Variants in GRM1 observed in about 807,000 individuals in gnomAD.
GRM1 encodes metabotropic glutamate receptor 1.
In GRM1, 33 loss-of-function variants were observed where a neutral mutation model predicts 90.9. The observed-to-expected ratio is 0.36, with a 90% CI of 0.28 to 0.49. GRM1 has a LOEUF of 0.49. GRM1 is among the 20% of genes least tolerant of loss of function. The pLI is 0.99. For missense variants in GRM1, 1,190 were observed against 1,534.3 expected, an observed-to-expected ratio of 0.78 and a Z score of 3.75; for synonymous variants, 700 against 613.2, an observed-to-expected ratio of 1.14 and a Z score of -2.09.
intron 2 of GRM1, among the ~76,000 whole-genome samples, chr6:146,270,963 T>C (rs1782134378): frequency 7.0e-6 from 1 of 142,310 alleles, no homozygotes; most frequent in Non-Finnish European, 1.5e-5. Flanking sequence ...CTTTCTTTCT[T>C]TCTTTTTTTT....
chr6:146,076,670 T>C (rs1230751320), intron 1 of GRM1, among the ~76,000 whole-genome samples: 2 of 152,142 alleles, frequency 1.3e-5, no homozygotes, highest in Non-Finnish European at 2.9e-5. Context: ...ATTTAGGTCA[T>C]GTAATGTACA....
chr6:146,180,896 A>G (rs375076070), intron 2 of GRM1, among the ~76,000 whole-genome samples: 1 of 152,330 alleles, frequency 6.6e-6, no homozygotes, highest in East Asian at 1.9e-4. Context: ...AAATATTTTT[A>G]AAAGCGGACC....
intron 7 of GRM1, among the ~76,000 whole-genome samples, chr6:146,429,514 T>C (rs1355553005): frequency 6.6e-6 from 1 of 152,196 alleles, no homozygotes; most frequent in Non-Finnish European, 1.5e-5. Context: ...TTCCTAGGCC[T>C]GAGATTCTAC....
intron 1 of GRM1, among the ~76,000 whole-genome samples, chr6:146,093,077 G>A (rs1776764355): frequency 6.6e-6 from 1 of 152,024 alleles, no homozygotes; most frequent in Non-Finnish European, 1.5e-5. Flanking sequence ...TTAGGTATAT[G>A]CCTTTTATTT....
chr6:146,373,965 T>C (rs1352663914), intron 5 of GRM1, among the ~76,000 whole-genome samples: 2 of 152,156 alleles, frequency 1.3e-5, no homozygotes, highest in Non-Finnish European at 2.9e-5. Context: ...AGGCTTTCAG[T>C]TTTCCCCCAT....
intron 3 of GRM1, among the ~76,000 whole-genome samples, chr6:146,328,588 T>C (rs1784477970): frequency 6.6e-6 from 1 of 152,222 alleles, no homozygotes; most frequent in Non-Finnish European, 1.5e-5. Context: ...TACCTCTTTA[T>C]ATACACATAT....
At chr6:146,298,164 T>G (rs912325912) in intron 2 of GRM1, among the ~76,000 whole-genome samples, 2 of 152,228 alleles carry the variant, frequency 1.3e-5, no homozygotes, top group African/African-American at 4.8e-5. Flanking sequence ...TTATTATTCA[T>G]GATACCTACC....
intron 2 of GRM1, among the ~76,000 whole-genome samples, chr6:146,230,286 C>G (rs764308406): frequency 1.3e-5 from 2 of 152,038 alleles, no homozygotes; most frequent in Non-Finnish European, 2.9e-5. Flanking sequence ...GACTGTTGTC[C>G]ATATACAAAG....
At chr6:146,343,664 A>T (rs1785065670) in intron 3 of GRM1, among the ~76,000 whole-genome samples, 2 of 147,870 alleles carry the variant, frequency 1.4e-5, no homozygotes, top group South Asian at 4.2e-4. Context: ...TTTATTTATT[A>T]TTATTATTAT....
chr6:146,241,948 C>T (rs912890172), intron 2 of GRM1, among the ~76,000 whole-genome samples: 1 of 152,068 alleles, frequency 6.6e-6, no homozygotes, highest in Non-Finnish European at 1.5e-5. Flanking sequence ...ACCAGGGAAG[C>T]CTTAGGCTTC....
At chr6:146,178,369 A>G (rs1469052953) in intron 2 of GRM1, among the ~76,000 whole-genome samples, 9 of 152,184 alleles carry the variant, frequency 5.9e-5, no homozygotes, top group Non-Finnish European at 1.3e-4. Flanking sequence ...TAGGTTGAGT[A>G]TCCCTTAGCT....
chr6:146,398,923 G>T lies in GRM1; in HGVS notation c.1884G>T (p.Arg628=). 6.2e-7 allele frequency: 1 copy of T among 1,613,986 alleles called. No homozygotes were observed. The highest frequency in any genetic ancestry group is 8.5e-7 in the Non-Finnish European group (1 of 1,179,976). The part of the protein sequence containing the change: ...RDTPVVKSSS[R]ELCYIILAGI... ...CACCAGTGGTCAAATCCTCCAGTCG[G>T]GAGCTCTGCTACATCATCCTAGCTG... is the stretch of plus-strand genomic sequence containing the variant. The change falls in exon 7 of 8, where the codon CGG becomes CGT. Residue 628 remains arginine, a synonymous_variant. Coordinates refer to ENST00000282753, the MANE Select transcript of GRM1 (RefSeq NM_001278064.2).
chr6:146,186,032 T>A (rs1377957196), intron 2 of GRM1, among the ~76,000 whole-genome samples: 1 of 151,332 alleles, frequency 6.6e-6, no homozygotes, highest in Non-Finnish European at 1.5e-5. Context: ...CACTACAACC[T>A]ACACTTCCTA....
At chr6:146,266,773 G>T (rs945058188) in intron 2 of GRM1, among the ~76,000 whole-genome samples, 1 of 152,252 alleles carries the variant, frequency 6.6e-6, no homozygotes, top group Admixed American at 6.5e-5. Flanking sequence ...AACTCTGCTA[G>T]TATCACCACC....
At chr6:146,259,974 TTATATA>T (rs942097311) in intron 2 of GRM1, among the ~76,000 whole-genome samples, 2 of 145,232 alleles carry the variant, frequency 1.4e-5, no homozygotes, top group Admixed American at 1.4e-4. Context: ...ATATATATAT[TTATATA>T]TATATATATG....
chr6:146,406,709 C>G (rs1777360818), intron 7 of GRM1, among the ~76,000 whole-genome samples: 1 of 152,050 alleles, frequency 6.6e-6, no homozygotes, highest in South Asian at 2.1e-4. Flanking sequence ...TGGCATGCAC[C>G]TGTAATCCCA....
intron 2 of GRM1, among the ~76,000 whole-genome samples, chr6:146,199,001 A>T (rs982704629): frequency 2.0e-5 from 3 of 152,002 alleles, no homozygotes; most frequent in Non-Finnish European, 4.4e-5. Context: ...GAGGAAAAGC[A>T]CTCTTCCATG....
intron 1 of GRM1, among the ~76,000 whole-genome samples, chr6:146,065,085 C>T (rs1775802448): frequency 6.6e-6 from 1 of 152,168 alleles, no homozygotes; most frequent in Admixed American, 6.5e-5. Flanking sequence ...CTCCCTAAGC[C>T]TGTGTCATCT....
intron 3 of GRM1, among the ~76,000 whole-genome samples, chr6:146,316,896 G>A (rs1322083291): frequency 6.6e-6 from 1 of 152,162 alleles, no homozygotes; most frequent in Admixed American, 6.5e-5. Flanking sequence ...GTCTCTTTTA[G>A]TCTAGGCTGC....
Sources: gnomAD v4.1 joint callset for allele counts (sites outside exome capture counted in the v4.1 genomes callset) on GRCh38, gnomAD v4.1.1 for gene constraint, MANE v1.5 for transcripts, NCBI Gene and HGNC (gene_info 2026-07-23, HGNC 2026-07-21) for gene names.